The following NOSIP variants were observed in gnomAD, a reference collection of about 807,000 sequenced individuals.
NOSIP encodes nitric oxide synthase-interacting protein.
NOSIP carries 25 observed loss-of-function variants against 36.4 expected under a neutral mutation model. The ratio of observed to expected loss-of-function variants is 0.69; its 90% CI spans 0.50 to 0.96. The LOEUF (loss-of-function observed/expected upper bound fraction) is 0.96. Among genes scored for constraint, NOSIP ranks in the 40% least tolerant of loss-of-function variants. The pLI, the probability that NOSIP is intolerant of heterozygous loss-of-function variation, is 0.00. For synonymous variants in NOSIP, 187 were observed against 179.2 expected, an observed-to-expected ratio of 1.04 and a Z score of -0.35; for missense variants, 370 against 429.0, an observed-to-expected ratio of 0.86 and a Z score of 1.21.
intron 1 of NOSIP, among the ~76,000 whole-genome samples, chr19:49,577,760 G>T (rs74638421): frequency 0.17 from 13,217 of 78,654 alleles, 1,699 homozygotes; most frequent in African/African-American, 0.42. Flanking sequence ...GCAAGGCCGT[G>T]TCTCGGGAAA....
intron 4 of NOSIP, chr19:49,557,828 A>G: frequency 6.1e-6 from 6 of 987,910 alleles, no homozygotes; most frequent in Non-Finnish European, 7.2e-6. Flanking sequence ...CTGCAGTTCC[A>G]GACCACCCTG....
intron 1 of NOSIP, among the ~76,000 whole-genome samples, chr19:49,564,940 T>C (rs956270600): frequency 7.2e-5 from 11 of 152,098 alleles, no homozygotes; most frequent in African/African-American, 2.7e-4. Context: ...TATGATCCCA[T>C]TCATGTGACG....
In NOSIP at chr19:49,555,619, G is replaced by A. The variant is rs2080225187; in HGVS notation, c.*132C>T. 1 of 694,480 alleles carries A rather than the reference G, an allele frequency of 1.4e-6. No homozygotes were observed. Among genetic ancestry groups the A allele is most frequent in the Admixed American group, 2.6e-5 (1 of 39,200 alleles). 43.0% of individuals were successfully genotyped at this position (694,480 alleles called of 1,614,324 possible). On this transcript the variant is annotated 3_prime_UTR_variant, in exon 9 of 9. Transcript: ENST00000596358. ...GCTTAGCCCGCTCTTTCAAACTCCA[G>A]CGTGCGCTGTAGGAGCACTGTTTGC...
At chr19:49,572,774 G>C (rs993703270) in intron 1 of NOSIP, among the ~76,000 whole-genome samples, 9 of 151,902 alleles carry the variant, frequency 5.9e-5, no homozygotes, top group Admixed American at 1.3e-4. Flanking sequence ...AGGAGTTCAA[G>C]ACCAGCCTGG....
intron 1 of NOSIP, among the ~76,000 whole-genome samples, chr19:49,571,681 C>A (rs2080485833): frequency 6.6e-6 from 1 of 151,996 alleles, no homozygotes; most frequent in Admixed American, 6.6e-5. Flanking sequence ...AGGAAAGTCA[C>A]AATCTCAGAA....
At chr19:49,578,498 A>T (rs1005849256) in intron 1 of NOSIP, among the ~76,000 whole-genome samples, 6 of 152,108 alleles carry the variant, frequency 3.9e-5, no homozygotes, top group African/African-American at 1.4e-4. Context: ...GATCCCTGGC[A>T]TGAGGAAACA....
chr19:49,579,589 C>G (rs992621400), intron 1 of NOSIP, among the ~76,000 whole-genome samples: 8 of 152,266 alleles, frequency 5.3e-5, no homozygotes, highest in African/African-American at 1.7e-4. Context: ...ATTTTCTCAG[C>G]CCTTTGTCTC....
chr19:49,577,108 A>G (rs963950162), intron 1 of NOSIP, among the ~76,000 whole-genome samples: 1 of 152,162 alleles, frequency 6.6e-6, no homozygotes, highest in African/African-American at 2.4e-5. Context: ...AAAGATAAAT[A>G]ATAAGTGCTG....
intron 4 of NOSIP, chr19:49,557,831 C>T (rs2122782511): frequency 1.0e-6 from 1 of 987,914 alleles, no homozygotes; most frequent in African/African-American, 1.7e-5. Flanking sequence ...CAGTTCCAGA[C>T]CACCCTGGGC....
At chr19:49,559,072 C>G (rs1173948944) in intron 3 of NOSIP, 94 bp from the exon 4 acceptor site, 1 of 958,396 alleles carries the variant, frequency 1.0e-6, no homozygotes, top group Non-Finnish European at 1.7e-6. Context: ...TCATCATGAT[C>G]AGTCCCAAGT....
At chr19:49,559,740 C>A in intron 3 of NOSIP, 194 bp downstream of exon 3, 1 of 602,760 alleles carries the variant, frequency 1.7e-6, no homozygotes, top group Non-Finnish European at 3.0e-6. Context: ...ATGTTCCTTT[C>A]CATATGTTCC....
At chr19:49,562,404 G>A (rs1232063217) in intron 1 of NOSIP, among the ~76,000 whole-genome samples, 4 of 151,878 alleles carry the variant, frequency 2.6e-5, no homozygotes, top group Admixed American at 6.6e-5. Context: ...GATTACAGGC[G>A]TGAGTCACTG....
intron 1 of NOSIP, among the ~76,000 whole-genome samples, chr19:49,564,174 C>G (rs2080372022): frequency 6.6e-6 from 1 of 152,136 alleles, no homozygotes; most frequent in Non-Finnish European, 1.5e-5. Context: ...TCACTGAAGG[C>G]CGAGCACCGT....
Position 49,559,976 on chromosome 19 carries a change from C to T in NOSIP, c.134G>A (p.Cys45Tyr). 2.5e-6 allele frequency: 4 copies of T among 1,613,984 alleles called. No individual in the cohort carries two copies. Among genetic ancestry groups the T allele is most frequent in the Non-Finnish European group, 3.4e-6 (4 of 1,179,914 alleles). ...GCAAGGCTGCAGGGAGAGACAACAG[C>T]AGTCGAAGTCCTTCACGGCATCCCG... ...LSRDAVKDFD[C>Y]CCLSLQPCHD... is the part of the protein sequence containing the mutation. The change falls in exon 3 of 9, where the codon TGC becomes TAC. Residue 45 changes from cysteine (C) to tyrosine (Y), a missense_variant. Transcript: ENST00000596358.
intron 1 of NOSIP, among the ~76,000 whole-genome samples, chr19:49,575,021 C>A (rs544627616): frequency 4.6e-5 from 7 of 152,242 alleles, no homozygotes; most frequent in Admixed American, 4.6e-4. Context: ...CGCCACCATG[C>A]CCGGCTAATT....
intron 1 of NOSIP, among the ~76,000 whole-genome samples, chr19:49,567,960 G>A (rs1369049964): frequency 6.6e-6 from 1 of 152,060 alleles, no homozygotes; most frequent in African/African-American, 2.4e-5. Context: ...TTACAGGCAT[G>A]AGCCACCACA....
chr19:49,566,768 C>G (rs186035287), intron 1 of NOSIP: 1 of 148,648 alleles, frequency 6.7e-6, no homozygotes, highest in East Asian at 1.9e-4. Flanking sequence ...CTTGACCAGC[C>G]TTAAAAATAT....
At chr19:49,570,551 C>T (rs914239331) in intron 1 of NOSIP, among the ~76,000 whole-genome samples, 2 of 152,114 alleles carry the variant, frequency 1.3e-5, no homozygotes, top group Non-Finnish European at 1.5e-5. Flanking sequence ...CGCCCCTTCC[C>T]GATCAATGTG....
At chr19:49,562,234 G>C (rs1008665127) in intron 1 of NOSIP, among the ~76,000 whole-genome samples, 4 of 152,160 alleles carry the variant, frequency 2.6e-5, no homozygotes, top group Admixed American at 1.3e-4. Context: ...CGATTCTCCT[G>C]CCTCAGCTTC....
Sources: gnomAD v4.1 joint callset for allele counts (sites outside exome capture counted in the v4.1 genomes callset) on GRCh38, gnomAD v4.1.1 for gene constraint, MANE v1.5 for transcripts, NCBI Gene and HGNC (gene_info 2026-07-23, HGNC 2026-07-21) for gene names.